The following GRXCR1 variants were observed in gnomAD, a reference collection of about 807,000 sequenced individuals.
GRXCR1 encodes glutaredoxin domain-containing cysteine-rich protein 1.
In GRXCR1, 27 loss-of-function variants were observed where a neutral mutation model predicts 27.3. The ratio of observed to expected loss-of-function variants is 0.99; its 90% CI spans 0.73 to 1.37. GRXCR1 has a LOEUF of 1.37. Ranked by LOEUF, GRXCR1 falls within the 40% of genes most tolerant of loss-of-function variation. The pLI is 0.00. For missense variants in GRXCR1, 379 were observed against 354.4 expected (o/e 1.07, Z -0.56); for synonymous variants, 122 against 131.1 (o/e 0.93, Z 0.47).
At chr4:42,947,104 T>TC (rs1385006665) in intron 1 of GRXCR1, among the ~76,000 whole-genome samples, 1 of 152,066 alleles carries the variant, frequency 6.6e-6, no homozygotes, top group Admixed American at 6.6e-5. Flanking sequence ...TAGCTGGACT[T>TC]CAAGTCTGGG....
chr4:42,993,063 G>A (rs867741231), intron 2 of GRXCR1, among the ~76,000 whole-genome samples: 1 of 151,976 alleles, frequency 6.6e-6, no homozygotes, highest in South Asian at 2.1e-4. Context: ...TAAGTGGTGG[G>A]ATTTCTCCCT....
At chr4:43,023,635 A>T (rs1162706221) in intron 3 of GRXCR1, among the ~76,000 whole-genome samples, 2 of 152,102 alleles carry the variant, frequency 1.3e-5, no homozygotes, top group African/African-American at 4.8e-5. Flanking sequence ...TTTGCAGGTA[A>T]TCTTCCCACT....
Position 42,947,490 on chromosome 4 carries a change from T to A in GRXCR1, c.385-15402T>A, listed in dbSNP as rs561500745. Among the ~76,000 whole-genome samples, 12 of 152,328 alleles carry A rather than the reference T, an allele frequency of 7.9e-5. No homozygotes were observed. The South Asian group carries it at 2.5e-3, about 32-fold the overall frequency. ...ATGGCAGTACATTCAATTGACATAA[T>A]GCTTGGAATATAGACTTCATTCAAT... On this transcript the variant is annotated intron_variant, in intron 1 of 3. Coordinates refer to ENST00000399770, the MANE Select transcript of GRXCR1 (RefSeq NM_001080476.3).
intron 1 of GRXCR1, among the ~76,000 whole-genome samples, chr4:42,936,061 G>A (rs756580498): frequency 6.6e-6 from 1 of 151,864 alleles, no homozygotes; most frequent in Admixed American, 6.6e-5. Context: ...ATATTTACCA[G>A]CTATGCTCTG....
intron 1 of GRXCR1, among the ~76,000 whole-genome samples, chr4:42,928,689 G>T (rs1055518880): frequency 6.6e-5 from 10 of 152,014 alleles, no homozygotes; most frequent in African/African-American, 2.2e-4. Flanking sequence ...AGCAAGGGGA[G>T]AGATTGGGCC....
At chr4:42,907,924 A>G (rs1203916517) in intron 1 of GRXCR1, among the ~76,000 whole-genome samples, 1 of 152,144 alleles carries the variant, frequency 6.6e-6, no homozygotes, top group Non-Finnish European at 1.5e-5. Context: ...ATATGCTCCT[A>G]CAGCTTCCCA....
chr4:42,926,219 C>A (rs978932332), intron 1 of GRXCR1, among the ~76,000 whole-genome samples: 2 of 151,970 alleles, frequency 1.3e-5, no homozygotes, highest in Non-Finnish European at 2.9e-5. Flanking sequence ...AAGAGACAAG[C>A]TTATTGTGAT....
intron 1 of GRXCR1, among the ~76,000 whole-genome samples, chr4:42,914,411 A>G (rs990632641): frequency 1.3e-5 from 2 of 152,200 alleles, no homozygotes; most frequent in African/African-American, 2.4e-5. Context: ...TAACTGCCCT[A>G]TTGAATTTTG....
intron 1 of GRXCR1, among the ~76,000 whole-genome samples, chr4:42,944,512 G>T (rs1362392493): frequency 2.6e-5 from 4 of 152,070 alleles, no homozygotes; most frequent in African/African-American, 4.8e-5. Context: ...TAAAGGTATA[G>T]TCTTGCCATT....
intron 2 of GRXCR1, among the ~76,000 whole-genome samples, chr4:42,982,564 T>C (rs1302103924): frequency 1.2e-4 from 14 of 121,674 alleles, no homozygotes; most frequent in African/African-American, 4.4e-4. Flanking sequence ...CCTTTGGGTA[T>C]ATACCCAGTA....
intron 2 of GRXCR1, among the ~76,000 whole-genome samples, chr4:42,978,290 G>C (rs767479072): frequency 1.3e-5 from 2 of 152,040 alleles, no homozygotes; most frequent in African/African-American, 4.8e-5. Context: ...TAGCTATTTG[G>C]GGTACTTTGT....
At chr4:43,017,557 A>G (rs1712966775) in intron 2 of GRXCR1, among the ~76,000 whole-genome samples, 1 of 152,192 alleles carries the variant, frequency 6.6e-6, no homozygotes, top group African/African-American at 2.4e-5. Flanking sequence ...CACTTAACAC[A>G]TTACTATTAT....
At chr4:42,922,255 C>T (rs1244887979) in intron 1 of GRXCR1, among the ~76,000 whole-genome samples, 1 of 152,114 alleles carries the variant, frequency 6.6e-6, no homozygotes, top group Non-Finnish European at 1.5e-5. Flanking sequence ...GTCACTGCCC[C>T]TGCCTCCTGG....
intron 2 of GRXCR1, among the ~76,000 whole-genome samples, chr4:43,002,792 T>C (rs1280150428): frequency 6.6e-6 from 1 of 152,218 alleles, no homozygotes; most frequent in Non-Finnish European, 1.5e-5. Context: ...CTTGATATCC[T>C]AGAAAAAGGA....
At chr4:42,987,557 C>T (rs1023972067) in intron 2 of GRXCR1, among the ~76,000 whole-genome samples, 1 of 151,816 alleles carries the variant, frequency 6.6e-6, no homozygotes, top group Non-Finnish European at 1.5e-5. Context: ...TGTTAGGATC[C>T]ACCACCTGGC....
intron 1 of GRXCR1, among the ~76,000 whole-genome samples, chr4:42,899,980 C>T (rs1746427162): frequency 6.6e-6 from 1 of 152,080 alleles, no homozygotes; most frequent in Admixed American, 6.6e-5. Flanking sequence ...CCCATGATTA[C>T]CACATAATTA....
chr4:43,008,748 C>T (rs1205221441), intron 2 of GRXCR1, among the ~76,000 whole-genome samples: 1 of 152,160 alleles, frequency 6.6e-6, no homozygotes, highest in African/African-American at 2.4e-5. Flanking sequence ...GATGTGAATT[C>T]TGACCCTGCC....
intron 1 of GRXCR1, among the ~76,000 whole-genome samples, chr4:42,922,216 T>C (rs1404219322): frequency 6.6e-6 from 1 of 152,138 alleles, no homozygotes; most frequent in African/African-American, 2.4e-5. Flanking sequence ...TGGAATTTTG[T>C]ATGTTAGCAT....
At chr4:42,988,606 C>A (rs1308056584) in intron 2 of GRXCR1, among the ~76,000 whole-genome samples, 1 of 152,032 alleles carries the variant, frequency 6.6e-6, no homozygotes, top group Non-Finnish European at 1.5e-5. Context: ...GTAGAAGAAA[C>A]CTTGGTGAAT....
Sources: allele counts gnomAD v4.1 joint callset (sites outside exome capture counted in the v4.1 genomes callset), GRCh38; gene constraint gnomAD v4.1.1; transcripts MANE v1.5; gene names NCBI Gene and HGNC (gene_info 2026-07-23, HGNC 2026-07-21).